ZHX3: variants seen among roughly 807,000 people sequenced by gnomAD.
ZHX3 encodes the protein zinc fingers and homeoboxes 3.
A neutral mutation model predicts 64.5 loss-of-function variants in ZHX3; 20 were observed. The ratio of observed to expected loss-of-function variants is 0.31; its 90% CI spans 0.22 to 0.45. The LOEUF (loss-of-function observed/expected upper bound fraction) is 0.45, where lower values mean the gene tolerates loss of function less well. Ranked by LOEUF, ZHX3 falls within the 20% of genes least tolerant of loss-of-function variation. ZHX3 has a pLI of 1.00. For synonymous variants in ZHX3, 423 were observed against 461.6 expected (o/e 0.92, Z 1.07); for missense variants, 1,041 against 1,195.8 (o/e 0.87, Z 1.91).
At chr20:41,249,814 G>T (rs2041900344) in intron 2 of ZHX3, among the ~76,000 whole-genome samples, 1 of 152,170 alleles carries the variant, frequency 6.6e-6, no homozygotes, top group South Asian at 2.1e-4. Flanking sequence ...GAAAGAAAAA[G>T]GAAGGTGAAT....
intron 1 of ZHX3, among the ~76,000 whole-genome samples, chr20:41,315,082 C>CT (rs2045247696): frequency 6.6e-6 from 1 of 152,200 alleles, no homozygotes; most frequent in Non-Finnish European, 1.5e-5. Flanking sequence ...GACAACCTAA[C>CT]TTTTGAGCAG....
rs948436444 is a variant in ZHX3, at chr20:41,183,334, G to A, written c.*1857C>T. 3 of 152,144 alleles carry A rather than the reference G, an allele frequency of 2.0e-5. No homozygotes were observed. Among genetic ancestry groups the A allele is most frequent in the Non-Finnish European group, 2.9e-5 (2 of 68,034 alleles). 9.4% of individuals were successfully genotyped at this position (152,144 alleles called of 1,614,324 possible). On this transcript the variant is annotated 3_prime_UTR_variant, in exon 4 of 4. Transcript: ENST00000683867. This position sits in a 1 kb window ranked among gnomAD's most constrained non-coding sequence, Gnocchi z 5.3. ...CAAACATCTTTACTCCCCAAATTAAGAATACAAAAATAGGCTGCAAAACTT... is the reference window on the plus strand; with the variant it reads ...CAAACATCTTTACTCCCCAAATTAAAAATACAAAAATAGGCTGCAAAACTT...
At chr20:41,190,268 G>A (rs1158204883) in intron 3 of ZHX3, among the ~76,000 whole-genome samples, 3 of 152,186 alleles carry the variant, frequency 2.0e-5, no homozygotes, top group Non-Finnish European at 4.4e-5. Flanking sequence ...TCTGCTTCCT[G>A]GGTTCAAGCA....
At chr20:41,247,007 T>C (rs2041732067) in intron 2 of ZHX3, among the ~76,000 whole-genome samples, 2 of 152,162 alleles carry the variant, frequency 1.3e-5, no homozygotes, top group Admixed American at 1.3e-4. Flanking sequence ...ATGCCTGTAA[T>C]CCTGGCACTA....
In ZHX3 at chr20:41,232,338, G is replaced by C. The variant is rs2040664371; in HGVS notation, c.-150-27272C>G. ...TTTAAACAAAGAACTCAATGGTTAAGAACTAGTATACAGCAAAGCAGACCT... is the reference window on the plus strand; with the variant it reads ...TTTAAACAAAGAACTCAATGGTTAACAACTAGTATACAGCAAAGCAGACCT... On this transcript the variant is annotated intron_variant, in intron 2 of 3. Coordinates refer to ENST00000683867, the MANE Select transcript of ZHX3 (RefSeq NM_001384317.1). The surrounding 1 kb of genome is among the most constrained non-coding windows in gnomAD (Gnocchi z 5.0). 6.6e-6 allele frequency among the ~76,000 whole-genome samples: 1 copy of C among 151,804 alleles called. No homozygotes were observed. Among genetic ancestry groups the C allele is most frequent in the Non-Finnish European group, 1.5e-5 (1 of 67,938 alleles).
chr20:41,238,826 T>A (rs144334724), intron 2 of ZHX3: 1 of 152,090 alleles, frequency 6.6e-6, no homozygotes, highest in Non-Finnish European at 1.5e-5. Context: ...AGGAAATGTA[T>A]CTATTAAGCA....
intron 2 of ZHX3, among the ~76,000 whole-genome samples, chr20:41,246,884 C>CCAAA (rs112966677): frequency 2.1e-5 from 3 of 144,946 alleles, no homozygotes; most frequent in Admixed American, 6.9e-5. Context: ...AAAAAAAAAA[C>CCAAA]CAAACAAACA....
intron 1 of ZHX3, among the ~76,000 whole-genome samples, chr20:41,284,042 C>CA (rs1188566844): frequency 6.6e-6 from 1 of 152,118 alleles, no homozygotes; most frequent in Non-Finnish European, 1.5e-5. Flanking sequence ...GGCTATTAAA[C>CA]AAAAATGTCT....
chr20:41,209,896 G>C (rs924107741), intron 2 of ZHX3, among the ~76,000 whole-genome samples: 2 of 152,186 alleles, frequency 1.3e-5, no homozygotes, highest in African/African-American at 4.8e-5. Flanking sequence ...ACCACCATCA[G>C]AGTGAACAGG....
Position 41,202,259 on chromosome 20 carries a change from T to C in ZHX3, c.2658A>G (p.Lys886=), listed in dbSNP as rs34229622. The change falls in exon 3 of 4, where the codon AAA becomes AAG. Residue 886 remains lysine (K), a synonymous_variant. Transcript: ENST00000683867. This position sits in a 1 kb window ranked among gnomAD's most constrained non-coding sequence, Gnocchi z 7.0. ...SQQVKQWFAE[K]MGEETRAVAD... ...CCACGGCTCTGGTCTCCTCCCCCAT[T>C]TTCTCAGCAAACCACTGCTTGACCT... 7.0e-4 allele frequency: 1,137 copies of C among 1,614,092 alleles called. 9 individuals carry two copies. The African/African-American group carries it at 0.014, about 19-fold the overall frequency.
Position 41,203,164 on chromosome 20 carries a change from C to G in ZHX3, c.1753G>C (p.Val585Leu). The part of the protein sequence containing the change: ...SFSPSSKVPE[V>L]TCIPTTATLA... ...GTGGCTGTTGTCGGAATGCAGGTTA[C>G]CTCAGGGACCTTGGACGATGGGGAG... Residue 585 changes from valine to leucine, a missense_variant, in exon 3 of 4, where the codon GTA becomes CTA. Transcript: ENST00000683867. The surrounding 1 kb of genome is among the most constrained non-coding windows in gnomAD (Gnocchi z 7.1). 1.2e-6 allele frequency: 2 copies of G among 1,614,100 alleles called. No homozygotes were observed. The highest frequency in any genetic ancestry group is 1.7e-6 in the Non-Finnish European group (2 of 1,180,010).
At chr20:41,264,089 C>T (rs574074330) in intron 2 of ZHX3, among the ~76,000 whole-genome samples, 24 of 151,882 alleles carry the variant, frequency 1.6e-4, no homozygotes, top group African/African-American at 5.3e-4. Context: ...AAATAAAATA[C>T]CTAACCAGAC....
At chr20:41,270,783 T>G (rs1467629113) in intron 1 of ZHX3, among the ~76,000 whole-genome samples, 1 of 152,202 alleles carries the variant, frequency 6.6e-6, no homozygotes, top group Non-Finnish European at 1.5e-5. Context: ...CTATTTCACT[T>G]TTTCTGCTTC....
intron 1 of ZHX3, among the ~76,000 whole-genome samples, chr20:41,284,403 A>C (rs1412268653): frequency 6.6e-6 from 1 of 152,090 alleles, no homozygotes; most frequent in Non-Finnish European, 1.5e-5. Context: ...TGGATGGCCC[A>C]CTACCTCCTA....
intron 2 of ZHX3, among the ~76,000 whole-genome samples, chr20:41,214,466 T>C (rs975647932): frequency 3.3e-5 from 5 of 152,172 alleles, no homozygotes; most frequent in African/African-American, 1.2e-4. Flanking sequence ...CTCCACACAG[T>C]GAGCTCTCTG....
rs545903494 is a variant in ZHX3, at chr20:41,200,430, G to A, written c.2860+1627C>T. On this transcript the variant is annotated intron_variant, in intron 3 of 3. Transcript: ENST00000683867. The surrounding 1 kb of genome is among the most constrained non-coding windows in gnomAD (Gnocchi z 4.2). ...AACTTACAAACTTGGACAAAGACTTGTAGGAGAGACTACCTGCTCTGCATT... is the reference window on the plus strand; with the variant it reads ...AACTTACAAACTTGGACAAAGACTTATAGGAGAGACTACCTGCTCTGCATT... 5.3e-5 allele frequency among the ~76,000 whole-genome samples: 8 copies of A among 152,330 alleles called. No individual in the cohort carries two copies. The highest frequency in any genetic ancestry group is 5.2e-4 in the Admixed American group (8 of 15,304).
intron 1 of ZHX3, among the ~76,000 whole-genome samples, chr20:41,314,823 T>C (rs936223113): frequency 2.6e-5 from 4 of 152,190 alleles, no homozygotes; most frequent in African/African-American, 4.8e-5. Context: ...GTCATATGAA[T>C]AGATGGATAA....
Position 41,203,700 on chromosome 20 carries a change from A to G in ZHX3, c.1217T>C (p.Ile406Thr), listed in dbSNP as rs1223105012. ...VASAGNVQHL[I>T]QAALPGHVVG... Reference sequence around the variant, plus strand: ...AACGTGACCTGGAAGAGCGGCCTGGATGAGATGCTGGACATTGCCAGCACT... The same window carrying G: ...AACGTGACCTGGAAGAGCGGCCTGGGTGAGATGCTGGACATTGCCAGCACT... The change falls in exon 3 of 4, where the codon ATC becomes ACC. Residue 406 changes from isoleucine to threonine, a missense_variant. Ile to Thr is a moderately conservative substitution (Grantham distance 89). Coordinates refer to ENST00000683867, the MANE Select transcript of ZHX3 (RefSeq NM_001384317.1). The surrounding 1 kb of genome is among the most constrained non-coding windows in gnomAD (Gnocchi z 7.1). The G allele has an allele frequency of 1.9e-6, 3 of 1,614,214 alleles. No individual in the cohort carries two copies. Among genetic ancestry groups the G allele is most frequent in the Non-Finnish European group, 2.5e-6 (3 of 1,180,016 alleles).
chr20:41,261,994 T>C (rs1479358604), intron 2 of ZHX3, among the ~76,000 whole-genome samples: 1 of 152,196 alleles, frequency 6.6e-6, no homozygotes, highest in African/African-American at 2.4e-5. Context: ...AGTTCCACCA[T>C]CTATCACCAC....
Sources: gnomAD v4.1 joint callset for allele counts (sites outside exome capture counted in the v4.1 genomes callset) on GRCh38, gnomAD v4.1.1 for gene constraint, Gnocchi (gnomAD v3.1) non-coding constraint, MANE v1.5 for transcripts, NCBI Gene and HGNC (gene_info 2026-07-23, HGNC 2026-07-21) for gene names.